The following SHPK variants were observed in gnomAD, a reference collection of about 807,000 sequenced individuals.
The protein encoded by SHPK is carbohydrate kinase-like protein.
SHPK carries 51 observed loss-of-function variants against 46.3 expected under a neutral mutation model. That is an observed-to-expected ratio of 1.10 (90% confidence interval 0.88 to 1.39). The LOEUF is 1.39. SHPK is among the 40% of genes most tolerant of loss of function. The pLI is 0.00. For synonymous variants in SHPK, 290 were observed against 273.9 expected, an observed-to-expected ratio of 1.06 and a Z score of -0.58; for missense variants, 668 against 641.3, an observed-to-expected ratio of 1.04 and a Z score of -0.45.
intron 2 of SHPK, among the ~76,000 whole-genome samples, chr17:3,626,272 C>T (rs9897822): frequency 0.2 from 30,771 of 152,038 alleles, 3,815 homozygotes; most frequent in Non-Finnish European, 0.27. Flanking sequence ...ATTCTATGGG[C>T]CCTTTCAGGC....
At chr17:3,614,215 C>T (rs1396259246) in intron 6 of SHPK, among the ~76,000 whole-genome samples, 3 of 152,158 alleles carry the variant, frequency 2.0e-5, no homozygotes, top group African/African-American at 7.2e-5. Context: ...CACCCCGCAC[C>T]GTGCTTCTTT....
chr17:3,610,905 G>A lies in SHPK; in HGVS notation c.1092C>T (p.Thr364=). Residue 364 remains threonine, a synonymous_variant, in exon 7 of 7, where the codon ACC becomes ACT. Transcript: ENST00000225519. ...GCACTGTCGGGGTGATGGTCAGGTG[G>A]GTATCTCTCTGCTGCACAGCTGCCT... is the stretch of plus-strand genomic sequence containing the variant. ...MIQAAVQQRD[T]HLTITPTVLG... 6.2e-7 allele frequency: 1 copy of A among 1,613,900 alleles called. No homozygotes were observed. Among genetic ancestry groups the A allele is most frequent in the South Asian group, 1.1e-5 (1 of 91,070 alleles).
intron 6 of SHPK, among the ~76,000 whole-genome samples, chr17:3,611,798 G>GTTT (rs570066157): frequency 3.3e-4 from 30 of 92,138 alleles, no homozygotes; most frequent in African/African-American, 9.2e-4. Context: ...AGCTCTGCGG[G>GTTT]TTTTTTTTTT....
At chr17:3,613,025 C>T (rs2075349916) in intron 6 of SHPK, among the ~76,000 whole-genome samples, 1 of 152,170 alleles carries the variant, frequency 6.6e-6, no homozygotes, top group East Asian at 1.9e-4. Context: ...GCTGGGATTA[C>T]AGGTGTGAGC....
chr17:3,631,373 T>C (rs1439058279), intron 1 of SHPK, among the ~76,000 whole-genome samples: 2 of 152,048 alleles, frequency 1.3e-5, no homozygotes, highest in African/African-American at 4.8e-5. Flanking sequence ...GTTCTGGGAA[T>C]AGACATTTGT....
At chr17:3,622,203 G>T (rs1214083727) in intron 4 of SHPK, among the ~76,000 whole-genome samples, 4 of 152,204 alleles carry the variant, frequency 2.6e-5, no homozygotes, top group South Asian at 4.1e-4. Flanking sequence ...AGTGGGGATA[G>T]AATTCAGTGC....
At chr17:3,633,383 A>G (rs1278165547) in intron 1 of SHPK, among the ~76,000 whole-genome samples, 1 of 151,102 alleles carries the variant, frequency 6.6e-6, no homozygotes, top group Non-Finnish European at 1.5e-5. Flanking sequence ...TCTGGGGAAG[A>G]GGGGCAAGCG....
intron 2 of SHPK, among the ~76,000 whole-genome samples, chr17:3,629,363 G>A (rs1178368079): frequency 2.0e-5 from 3 of 152,102 alleles, no homozygotes; most frequent in South Asian, 2.1e-4. Context: ...AAATAGAACA[G>A]GTTACCCACC....
At chr17:3,623,006 T>C (rs2075411958) in intron 4 of SHPK, among the ~76,000 whole-genome samples, 1 of 152,150 alleles carries the variant, frequency 6.6e-6, no homozygotes, top group African/African-American at 2.4e-5. Flanking sequence ...CGCCTGGCTC[T>C]CTAAGTTTAA....
chr17:3,632,273 T>C lies in SHPK; in HGVS notation c.169-1927A>G, dbSNP rs572114953. ...CCTGGCCTGCAGGTCATATTTCTAC[T>C]GGACAGAGCTAGTTTAAAGAGTCCT... On this transcript the variant is annotated intron_variant, in intron 1 of 6. Transcript: ENST00000225519. Among the ~76,000 whole-genome samples the C allele has an allele frequency of 3.9e-5, 6 of 152,272 alleles. No individual in the cohort carries two copies. In the East Asian group the frequency reaches 1.2e-3, roughly 29 times the overall value.
At chr17:3,614,020 C>T (rs1022853719) in intron 6 of SHPK, among the ~76,000 whole-genome samples, 2 of 152,208 alleles carry the variant, frequency 1.3e-5, no homozygotes, top group African/African-American at 2.4e-5. Context: ...GTCCTCAGCT[C>T]CCCCAGTCTA....
At chr17:3,630,117 C>T in intron 2 of SHPK, 88 bp downstream of exon 2, 2 of 1,539,334 alleles carry the variant, frequency 1.3e-6, no homozygotes, top group Admixed American at 1.7e-5. Context: ...CAGGATAACC[C>T]GACCCTTCAC....
chr17:3,635,554 C>A (rs930307902), intron 1 of SHPK, among the ~76,000 whole-genome samples: 1 of 152,166 alleles, frequency 6.6e-6, no homozygotes, highest in Non-Finnish European at 1.5e-5. Context: ...TTTCTTGGTC[C>A]GCATTCTGCT....
At chr17:3,624,746 C>T (rs979089053) in intron 2 of SHPK, among the ~76,000 whole-genome samples, 3 of 152,074 alleles carry the variant, frequency 2.0e-5, no homozygotes, top group Non-Finnish European at 4.4e-5. Context: ...CTCCATCTCC[C>T]AGGTTCAAGC....
chr17:3,631,069 C>G (rs996089222), intron 1 of SHPK, among the ~76,000 whole-genome samples: 9 of 152,020 alleles, frequency 5.9e-5, no homozygotes, highest in African/African-American at 1.7e-4. Flanking sequence ...CTCGCTTGCC[C>G]CTGTCAGCCT....
Position 3,636,248 on chromosome 17 carries a change from T to A in SHPK, c.-29A>T. 6.4e-7 allele frequency: 1 copy of A among 1,572,732 alleles called. No homozygotes were observed. The highest frequency in any genetic ancestry group is 1.1e-5 in the South Asian group (1 of 87,628). On this transcript the variant is annotated 5_prime_UTR_variant, in exon 1 of 7. Transcript: ENST00000225519. ...CTCCCTGACCCGCGCAGCTCCAGTC[T>A]GCAGCCAGCGGCCCCACAAGTCCGC...
chr17:3,623,921 C>T, intron 3 of SHPK, 127 bp downstream of exon 3: 19 of 920,716 alleles, frequency 2.1e-5, no homozygotes, highest in Non-Finnish European at 3.2e-5. Flanking sequence ...GGCCATGCTG[C>T]ATCCTGTCCT....
chr17:3,621,751 C>T lies in SHPK; in HGVS notation c.648-339G>A, dbSNP rs544008811. Reference sequence around the variant, plus strand: ...CACTGCAACCTCCACCTCCCAGGTTCAAGCAATTCTCCTGCCTCAGCCTCC... The same window carrying T: ...CACTGCAACCTCCACCTCCCAGGTTTAAGCAATTCTCCTGCCTCAGCCTCC... On this transcript the variant is annotated intron_variant, in intron 4 of 6. Transcript: ENST00000225519. Among the ~76,000 whole-genome samples the T allele has an allele frequency of 2.0e-5, 3 of 151,952 alleles. No homozygotes were observed. The East Asian group carries it at 5.8e-4, about 29-fold the overall frequency.
intron 5 of SHPK, among the ~76,000 whole-genome samples, chr17:3,619,067 A>G (rs1425943886): frequency 1.3e-5 from 2 of 151,654 alleles, no homozygotes; most frequent in African/African-American, 4.9e-5. Context: ...CATTTTGTAT[A>G]TAAGCACTGA....
Sources: gnomAD v4.1 joint callset for allele counts (sites outside exome capture counted in the v4.1 genomes callset) on GRCh38, gnomAD v4.1.1 for gene constraint, MANE v1.5 for transcripts, NCBI Gene and HGNC (gene_info 2026-07-23, HGNC 2026-07-21) for gene names.